NELL1: variants seen among roughly 807,000 people sequenced by gnomAD.
NELL1 encodes the protein protein kinase C-binding protein NELL1.
A neutral mutation model predicts 107.4 loss-of-function variants in NELL1; 76 were observed. That is an observed-to-expected ratio of 0.71 (90% CI 0.59 to 0.86). The LOEUF is 0.86. Among genes scored for constraint, NELL1 ranks in the 40% least tolerant of loss-of-function variants. The probability of loss-of-function intolerance (pLI) is 0.00; values close to 1 mark genes in which losing one functional copy is unlikely to be tolerated. For missense variants in NELL1, 1,024 were observed against 1,005.5 expected (o/e 1.02, Z -0.25); for synonymous variants, 353 against 341.2 (o/e 1.03, Z -0.38).
At chr11:20,828,784 T>C (rs571408211) in intron 3 of NELL1, among the ~76,000 whole-genome samples, 1 of 152,338 alleles carries the variant, frequency 6.6e-6, no homozygotes, top group South Asian at 2.1e-4. Flanking sequence ...TAAGTTTTCA[T>C]TTTTCTGCAA....
At chr11:21,163,298 C>T (rs1856412578) in intron 13 of NELL1, among the ~76,000 whole-genome samples, 2 of 152,176 alleles carry the variant, frequency 1.3e-5, no homozygotes, top group Non-Finnish European at 2.9e-5. Context: ...TAGTTTAAAA[C>T]ACAATGCTTT....
chr11:21,348,823 A>T (rs1850740610), intron 14 of NELL1, among the ~76,000 whole-genome samples: 1 of 152,220 alleles, frequency 6.6e-6, no homozygotes, highest in Non-Finnish European at 1.5e-5. Context: ...CATGTGAAAT[A>T]CTAGGAAACT....
At chr11:21,316,892 G>A (rs1249620480) in intron 14 of NELL1, among the ~76,000 whole-genome samples, 1 of 151,960 alleles carries the variant, frequency 6.6e-6, no homozygotes, top group Non-Finnish European at 1.5e-5. Context: ...TAATGAAAAC[G>A]ATTCATAAGC....
intron 14 of NELL1, among the ~76,000 whole-genome samples, chr11:21,264,094 G>GTGTGTGTGTGTGTGTGTGTT (rs765470467): frequency 6.6e-6 from 1 of 151,532 alleles, no homozygotes; most frequent in East Asian, 1.9e-4. Flanking sequence ...GTGTGTGTGT[G>GTGTGTGTGTGTGTGTGTGTT]TGTTTGTGTG....
At chr11:21,112,372 G>A (rs1010358142) in intron 12 of NELL1, among the ~76,000 whole-genome samples, 2 of 151,850 alleles carry the variant, frequency 1.3e-5, no homozygotes, top group Non-Finnish European at 2.9e-5. Flanking sequence ...ACTCAATGTA[G>A]CCATTTTTAT....
At chr11:21,017,886 T>G (rs1852606430) in intron 12 of NELL1, among the ~76,000 whole-genome samples, 1 of 152,074 alleles carries the variant, frequency 6.6e-6, no homozygotes, top group South Asian at 2.1e-4. Context: ...AAGAATGAAG[T>G]CTACCATGAT....
intron 16 of NELL1, 97 bp from the exon 17 acceptor site, chr11:21,560,092 G>T: frequency 8.8e-7 from 1 of 1,136,230 alleles, no homozygotes; most frequent in Non-Finnish European, 1.3e-6. Context: ...CAAGGTAAAT[G>T]GTCGATGATG....
At chr11:20,984,430 AG>A (rs1301177825) in intron 12 of NELL1, among the ~76,000 whole-genome samples, 1 of 152,134 alleles carries the variant, frequency 6.6e-6, no homozygotes, top group Non-Finnish European at 1.5e-5. Context: ...ATCTGCAAAA[AG>A]GGTTAGTAAT....
In NELL1 at chr11:21,370,893, G is replaced by A. The variant is rs375408374; in HGVS notation, c.1590G>A (p.Val530=). 6 of 1,611,646 alleles carry A rather than the reference G, an allele frequency of 3.7e-6. No homozygotes were observed. Among genetic ancestry groups the A allele is most frequent in the African/African-American group, 2.7e-5 (2 of 74,790 alleles). ...GCTGCAGATACGGTGGAACGTGTGT[G>A]GCTCCCAACAAATGTGTCTGTCCAT... The part of the protein sequence containing the change: ...EEGCRYGGTC[V]APNKCVCPSG... Residue 530 remains valine, a synonymous_variant, in exon 15 of 20, where the codon GTG becomes GTA. Coordinates refer to ENST00000357134, the MANE Select transcript of NELL1 (RefSeq NM_006157.5).
intron 15 of NELL1, among the ~76,000 whole-genome samples, chr11:21,441,450 C>T (rs1853283766): frequency 6.7e-6 from 1 of 150,230 alleles, no homozygotes; most frequent in African/African-American, 2.4e-5. Context: ...TTGCACAGTT[C>T]TATTGTGTAG....
intron 10 of NELL1, among the ~76,000 whole-genome samples, chr11:20,941,469 T>C (rs961510515): frequency 7.9e-5 from 12 of 152,212 alleles, no homozygotes; most frequent in African/African-American, 2.9e-4. Context: ...TTTTCCCCCA[T>C]TGGGTTCCAG....
intron 15 of NELL1, among the ~76,000 whole-genome samples, chr11:21,510,877 CT>C (rs1855418626): frequency 6.6e-6 from 1 of 152,068 alleles, no homozygotes; most frequent in Admixed American, 6.6e-5. Context: ...AAAAGAATAA[CT>C]TTTATATGTA....
chr11:21,029,787 C>G (rs1386693273), intron 12 of NELL1, among the ~76,000 whole-genome samples: 4 of 152,162 alleles, frequency 2.6e-5, no homozygotes, highest in Non-Finnish European at 5.9e-5. Flanking sequence ...CAAGAACCAC[C>G]TACTGTACTA....
At chr11:21,131,673 A>C (rs140718358) in intron 13 of NELL1, among the ~76,000 whole-genome samples, 187 of 152,188 alleles carry the variant, frequency 1.2e-3, no homozygotes, top group African/African-American at 4.2e-3. Context: ...ATCTATAATC[A>C]TTTGGAGCAT....
chr11:20,898,865 C>T (rs1849810580), intron 5 of NELL1, among the ~76,000 whole-genome samples: 1 of 151,768 alleles, frequency 6.6e-6, no homozygotes, highest in Non-Finnish European at 1.5e-5. Context: ...GGGAAGTCTC[C>T]TAGTTTTATT....
intron 13 of NELL1, among the ~76,000 whole-genome samples, chr11:21,195,162 A>C (rs1298578482): frequency 6.6e-6 from 1 of 152,226 alleles, no homozygotes; most frequent in African/African-American, 2.4e-5. Flanking sequence ...ATAAATGTTC[A>C]GCACATGCCC....
chr11:20,905,530 GAAAT>G (rs1318264043), intron 5 of NELL1, among the ~76,000 whole-genome samples: 1 of 151,980 alleles, frequency 6.6e-6, no homozygotes, highest in Non-Finnish European at 1.5e-5. Flanking sequence ...CATGGATAAA[GAAAT>G]AAGTCACGAA....
intron 12 of NELL1, among the ~76,000 whole-genome samples, chr11:20,989,564 T>TAATTGAA (rs1379847247): frequency 6.6e-6 from 1 of 152,210 alleles, no homozygotes; most frequent in East Asian, 1.9e-4. Flanking sequence ...CATAACTGAT[T>TAATTGAA]AATTGAACAG....
intron 14 of NELL1, among the ~76,000 whole-genome samples, chr11:21,254,631 A>T: frequency 6.6e-6 from 1 of 152,082 alleles, no homozygotes; most frequent in East Asian, 1.9e-4. Flanking sequence ...CATTTTCAAA[A>T]ATCTCTGGCC....
Sources: allele counts gnomAD v4.1 joint callset (sites outside exome capture counted in the v4.1 genomes callset), GRCh38; gene constraint gnomAD v4.1.1; transcripts MANE v1.5; gene names NCBI Gene and HGNC (gene_info 2026-07-23, HGNC 2026-07-21).